IQSEC1: variants seen among roughly 807,000 people sequenced by gnomAD.
IQSEC1 encodes the protein IQ motif and SEC7 domain-containing protein 1.
In IQSEC1, 31 loss-of-function variants were observed where a neutral mutation model predicts 91.0. The ratio of observed to expected loss-of-function variants is 0.34; its 90% CI spans 0.26 to 0.46. IQSEC1 has a LOEUF of 0.46. Among genes scored for constraint, IQSEC1 ranks in the 20% least tolerant of loss-of-function variants. The pLI, the probability that IQSEC1 is intolerant of heterozygous loss-of-function variation, is 1.00. For missense variants in IQSEC1, 1,388 were observed against 1,575.6 expected, an observed-to-expected ratio of 0.88 and a Z score of 2.02; for synonymous variants, 699 against 662.6, an observed-to-expected ratio of 1.05 and a Z score of -0.84.
chr3:13,160,356 C>T (rs1189820043), intron 2 of IQSEC1, among the ~76,000 whole-genome samples: 1 of 152,004 alleles, frequency 6.6e-6, no homozygotes. Context: ...AGACGGGGTC[C>T]GGCTATGTTG....
intron 1 of IQSEC1, among the ~76,000 whole-genome samples, chr3:13,268,616 C>G (rs1695539194): frequency 1.3e-5 from 2 of 152,048 alleles, no homozygotes; most frequent in Admixed American, 1.3e-4. Flanking sequence ...AAAGGGCCCA[C>G]CAAAAAGATG....
intron 2 of IQSEC1, among the ~76,000 whole-genome samples, chr3:13,078,765 G>T (rs1317490563): frequency 6.6e-6 from 1 of 152,158 alleles, no homozygotes; most frequent in Non-Finnish European, 1.5e-5. Flanking sequence ...TGGGGCGCTG[G>T]AGCCGGAGGT....
intron 1 of IQSEC1, among the ~76,000 whole-genome samples, chr3:13,190,103 C>A (rs1166070452): frequency 6.6e-6 from 1 of 152,236 alleles, no homozygotes; most frequent in Non-Finnish European, 1.5e-5. Flanking sequence ...TCAGTGCAAA[C>A]TGGACTCCAG....
intron 1 of IQSEC1, among the ~76,000 whole-genome samples, chr3:13,168,461 G>A (rs1045406692): frequency 6.6e-6 from 1 of 152,046 alleles, no homozygotes; most frequent in Non-Finnish European, 1.5e-5. Context: ...CATCTCAGGG[G>A]CCTCATCCAT....
At chr3:13,017,423 T>C (rs981256748) in intron 1 of IQSEC1, among the ~76,000 whole-genome samples, 7 of 152,194 alleles carry the variant, frequency 4.6e-5, no homozygotes, top group African/African-American at 1.7e-4. Flanking sequence ...TCTTCCCATG[T>C]GTCAGAGTGG....
chr3:12,933,094 G>C (rs768781461), intron 3 of IQSEC1, among the ~76,000 whole-genome samples: 5 of 152,250 alleles, frequency 3.3e-5, no homozygotes, highest in African/African-American at 1.2e-4. Context: ...ACTGAGAGCT[G>C]TGCTGGAGGC....
chr3:13,004,164 G>A (rs1002472926), intron 1 of IQSEC1, among the ~76,000 whole-genome samples: 2 of 152,228 alleles, frequency 1.3e-5, no homozygotes, highest in African/African-American at 2.4e-5. Context: ...GTTGTGAACA[G>A]AGTTCCTAGA....
chr3:13,123,040 A>G (rs1188807619), intron 2 of IQSEC1, among the ~76,000 whole-genome samples: 1 of 152,204 alleles, frequency 6.6e-6, no homozygotes, highest in Admixed American at 6.5e-5. Flanking sequence ...GGCTCTCTCT[A>G]TTTTAATGAA....
At chr3:13,218,328 A>G (rs530782428) in intron 1 of IQSEC1, among the ~76,000 whole-genome samples, 57 of 152,366 alleles carry the variant, frequency 3.7e-4, no homozygotes, top group Middle Eastern at 3.4e-3. Flanking sequence ...GGTCTGGCTC[A>G]GTGCTGGCTA....
chr3:12,944,306 T>C (rs767876763), intron 1 of IQSEC1, among the ~76,000 whole-genome samples: 7 of 152,236 alleles, frequency 4.6e-5, no homozygotes, highest in Non-Finnish European at 1.0e-4. Context: ...TCCCATTCTA[T>C]TGCTAAAGCT....
chr3:13,015,952 C>T (rs1007531744), intron 1 of IQSEC1, among the ~76,000 whole-genome samples: 23 of 152,242 alleles, frequency 1.5e-4, no homozygotes, highest in African/African-American at 4.1e-4. Context: ...TTCAGAGTGC[C>T]GGGCCCCTTC....
At chr3:12,902,717 A>C in intron 13 of IQSEC1, 56 bp downstream of exon 13, 1 of 718,610 alleles carries the variant, frequency 1.4e-6, no homozygotes, top group Non-Finnish European at 2.5e-6. Context: ...ATATGAACTG[A>C]GGACTGGGGA....
At chr3:13,205,949 C>G (rs1479910336) in intron 1 of IQSEC1, among the ~76,000 whole-genome samples, 1 of 148,002 alleles carries the variant, frequency 6.8e-6, no homozygotes, top group Non-Finnish European at 1.5e-5. Context: ...CATCACTCCA[C>G]CCACCCATCC....
intron 1 of IQSEC1, among the ~76,000 whole-genome samples, chr3:13,240,559 C>T (rs530430636): frequency 2.2e-4 from 33 of 152,150 alleles, no homozygotes; most frequent in Non-Finnish European, 3.7e-4. Context: ...AAGGGGTGGG[C>T]GCCAGTTGGT....
chr3:13,102,391 A>G (rs370559871), intron 2 of IQSEC1, among the ~76,000 whole-genome samples: 63 of 152,186 alleles, frequency 4.1e-4, no homozygotes, highest in African/African-American at 1.3e-3. Flanking sequence ...GCCCAGCCCC[A>G]TGTTGGGGCT....
intron 1 of IQSEC1, among the ~76,000 whole-genome samples, chr3:13,204,056 G>A (rs1423558767): frequency 1.3e-5 from 2 of 152,216 alleles, no homozygotes; most frequent in African/African-American, 4.8e-5. Context: ...ACCCCCTCCA[G>A]GGTGGGGCTG....
chr3:12,948,907 C>CA (rs1699357651), intron 1 of IQSEC1, among the ~76,000 whole-genome samples: 1 of 152,210 alleles, frequency 6.6e-6, no homozygotes, highest in Admixed American at 6.5e-5. Context: ...AGAGGGCAAA[C>CA]ACACATGTAT....
intron 1 of IQSEC1, among the ~76,000 whole-genome samples, chr3:13,171,158 A>G (rs893059220): frequency 6.6e-5 from 10 of 152,158 alleles, no homozygotes; most frequent in Admixed American, 5.9e-4. Context: ...CCCTGAGGAA[A>G]TCCGCAGTGT....
At chr3:12,938,632 C>T (rs985416795) in intron 2 of IQSEC1, among the ~76,000 whole-genome samples, 1 of 152,164 alleles carries the variant, frequency 6.6e-6, no homozygotes, top group Non-Finnish European at 1.5e-5. Context: ...GCTTAGAAAG[C>T]CCCTGGGGCC....
Sources: gnomAD v4.1 joint callset for allele counts (sites outside exome capture counted in the v4.1 genomes callset) on GRCh38, gnomAD v4.1.1 for gene constraint, MANE v1.5 for transcripts, NCBI Gene and HGNC (gene_info 2026-07-23, HGNC 2026-07-21) for gene names.